Variants in WDR59 observed in about 807,000 individuals in gnomAD.
WDR59 encodes GATOR2 complex protein WDR59.
Under a neutral mutation model 131.2 loss-of-function variants are expected in WDR59, and 100 were observed. That is an observed-to-expected ratio of 0.76 (90% CI 0.65 to 0.90). WDR59 has a LOEUF of 0.90. WDR59 is among the 40% of genes least tolerant of loss of function. The pLI is 0.00. For missense variants in WDR59, 1,203 were observed against 1,262.2 expected, an observed-to-expected ratio of 0.95 and a Z score of 0.71; for synonymous variants, 601 against 466.2, an observed-to-expected ratio of 1.29 and a Z score of -3.72.
intron 3 of WDR59, among the ~76,000 whole-genome samples, chr16:74,952,179 G>A (rs2033040966): frequency 6.6e-6 from 1 of 151,776 alleles, no homozygotes; most frequent in Non-Finnish European, 1.5e-5. Context: ...AAGAGGCTGG[G>A]CTTGGTGGCT....
chr16:74,890,222 C>A (rs954957875), intron 20 of WDR59, among the ~76,000 whole-genome samples: 3 of 152,216 alleles, frequency 2.0e-5, no homozygotes, highest in Non-Finnish European at 4.4e-5. Flanking sequence ...ACAATCACAG[C>A]TCACTGCCAC....
At position 74,916,794 on chromosome 16, in the gene WDR59, G is replaced by C. The variant is rs567264787; in HGVS notation, c.967-535C>G. Among the ~76,000 whole-genome samples, 14 of 151,802 alleles carry C rather than the reference G, an allele frequency of 9.2e-5. No individual in the cohort carries two copies. The East Asian group carries it at 2.7e-3, about 30-fold the overall frequency. On this transcript the variant is annotated intron_variant, in intron 11 of 25. Transcript: ENST00000262144. ...GAATCACTTGAACCCAGGAGGCAGA[G>C]GTTGCAGTGAGCAAAGATCACGTGG...
At chr16:74,916,323 TAA>T in intron 11 of WDR59, 64 bp from the exon 12 acceptor site, 1 of 1,602,338 alleles carries the variant, frequency 6.2e-7, no homozygotes, top group Non-Finnish European at 8.5e-7. Flanking sequence ...CATGTCTGAT[TAA>T]AGAGTTCTGA....
At position 74,874,120 on chromosome 16, in the gene WDR59, A is replaced by T; in HGVS notation, c.*89T>A. 8.6e-7 allele frequency: 1 copy of T among 1,159,422 alleles called. No homozygotes were observed. The highest frequency in any genetic ancestry group is 1.2e-6 in the Non-Finnish European group (1 of 813,994). The allele number at this position is 1,159,422 out of a possible 1,614,324, so 71.8% of individuals were successfully genotyped here. A position where few individuals can be genotyped will look rare whatever the true frequency, so the allele number is the denominator to read the frequency against. ...CTCCGGTCTCACTGGGGACGAACCC[A>T]GGTTCTGGAGCCTCTCCCCTGACAG... On this transcript the variant is annotated 3_prime_UTR_variant, in exon 26 of 26. Transcript: ENST00000262144.
chr16:74,944,545 T>C (rs1007738964), intron 6 of WDR59, among the ~76,000 whole-genome samples: 22 of 151,712 alleles, frequency 1.5e-4, no homozygotes, highest in Middle Eastern at 3.4e-3. Flanking sequence ...GAGAACACTC[T>C]GGAATACTCA....
At chr16:74,957,798 G>A (rs1339170208) in intron 2 of WDR59, among the ~76,000 whole-genome samples, 4 of 152,000 alleles carry the variant, frequency 2.6e-5, no homozygotes, top group African/African-American at 9.7e-5. Flanking sequence ...GCTCAAAAAT[G>A]AAGAAAAAGA....
At chr16:74,981,520 T>A (rs1405494855) in intron 1 of WDR59, among the ~76,000 whole-genome samples, 1 of 149,380 alleles carries the variant, frequency 6.7e-6, no homozygotes, top group African/African-American at 2.5e-5. Flanking sequence ...ATTGCACCAC[T>A]GCATTCCAGC....
Position 74,903,885 on chromosome 16 carries a change from A to G in WDR59, c.1866+62T>C, listed in dbSNP as rs1224113671. The G allele has an allele frequency of 3.2e-6, 5 of 1,545,056 alleles. No individual in the cohort carries two copies. The African/African-American group carries it at 5.5e-5, about 17-fold the overall frequency. The stretch of plus-strand genomic sequence containing the variant: ...TAATCTAGCTGCTGCGCCAGGCAGG[A>G]GATGAGGAACAAGAATCCAGGAGAA... On this transcript the variant is annotated intron_variant, in intron 18 of 25. Transcript: ENST00000262144.
chr16:74,953,172 C>G (rs1008875461), intron 3 of WDR59, among the ~76,000 whole-genome samples: 2 of 152,176 alleles, frequency 1.3e-5, no homozygotes, highest in African/African-American at 4.8e-5. Flanking sequence ...CTAAAGCTTT[C>G]TCAAAAGGTT....
intron 25 of WDR59, among the ~76,000 whole-genome samples, chr16:74,885,352 T>A (rs1051899081): frequency 1.4e-5 from 2 of 138,544 alleles, no homozygotes; most frequent in African/African-American, 5.4e-5. Context: ...TCGGGAGGCT[T>A]AGGGAGGAGA....
chr16:74,886,140 T>C, intron 24 of WDR59, 130 bp downstream of exon 24: 3 of 1,216,114 alleles, frequency 2.5e-6, no homozygotes, highest in African/African-American at 1.6e-5. Flanking sequence ...ATCCCGCCAC[T>C]GCACTCCAAC....
chr16:74,879,314 G>A (rs1799118201), intron 25 of WDR59, among the ~76,000 whole-genome samples: 1 of 152,112 alleles, frequency 6.6e-6, no homozygotes, highest in South Asian at 2.1e-4. Flanking sequence ...CTGTGATCAT[G>A]CCTGTGCACT....
At chr16:74,981,660 A>ATTTTTTTTTTT (rs1181233727) in intron 1 of WDR59, among the ~76,000 whole-genome samples, 1 of 80,862 alleles carries the variant, frequency 1.2e-5, no homozygotes, top group African/African-American at 7.4e-5. Flanking sequence ...ATATATATAT[A>ATTTTTTTTTTT]TTTTTTTTTT....
intron 25 of WDR59, 149 bp from the exon 26 acceptor site, chr16:74,874,593 T>A (rs1317183127): frequency 2.9e-5 from 20 of 692,118 alleles, no homozygotes; most frequent in African/African-American, 9.0e-5. Flanking sequence ...CTGTTTTTTT[T>A]ATTTTTATTT....
chr16:74,945,650 A>G (rs1014441398), intron 6 of WDR59, among the ~76,000 whole-genome samples: 10 of 151,968 alleles, frequency 6.6e-5, no homozygotes, highest in African/African-American at 2.4e-4. Flanking sequence ...GAGCAGTGGA[A>G]CTGTTAAGCA....
Position 74,874,526 on chromosome 16 carries a change from AG to A in WDR59, c.2690-83del, listed in dbSNP as rs535849776. Reference sequence around the variant, plus strand: ...AGGAAACTGGGGCTTGCCAGGAAGAAGGAAGTCTTCCTCTCAAGACTCTAGC... The same window carrying A: ...AGGAAACTGGGGCTTGCCAGGAAGAAGAAGTCTTCCTCTCAAGACTCTAGC... On this transcript the variant is annotated intron_variant, in intron 25 of 25. Coordinates refer to ENST00000262144, the MANE Select transcript of WDR59 (RefSeq NM_030581.4). The A allele has an allele frequency of 3.5e-4, 418 of 1,209,752 alleles. No homozygotes were observed. In the African/African-American group the frequency reaches 5.6e-3, roughly 16 times the overall value. The allele number at this position is 1,209,752 out of a possible 1,614,324, so 74.9% of individuals were successfully genotyped here.
At chr16:74,959,977 A>G (rs2033481031) in intron 2 of WDR59, among the ~76,000 whole-genome samples, 1 of 152,098 alleles carries the variant, frequency 6.6e-6, no homozygotes, top group Non-Finnish European at 1.5e-5. Context: ...CAATAGTTGA[A>G]ATTTTTTGAA....
intron 25 of WDR59, among the ~76,000 whole-genome samples, chr16:74,882,456 G>C (rs1964533142): frequency 6.6e-6 from 1 of 152,116 alleles, no homozygotes; most frequent in Non-Finnish European, 1.5e-5. Flanking sequence ...GCAATTACCA[G>C]GTATGGTGTC....
Position 74,887,761 on chromosome 16 carries a change from G to A in WDR59, c.2347-6C>T. The A allele has an allele frequency of 1.2e-6, 2 of 1,613,404 alleles. No individual in the cohort carries two copies. ...CCAGAAGAGGTAAAGCTAGGCTACAGAAGGGAAGAGAAGAACCAACAGGAC... is the reference window on the plus strand; with the variant it reads ...CCAGAAGAGGTAAAGCTAGGCTACAAAAGGGAAGAGAAGAACCAACAGGAC... On this transcript the variant is annotated splice_region_variant and splice_polypyrimidine_tract_variant and intron_variant, in intron 22 of 25. Coordinates refer to ENST00000262144, the MANE Select transcript of WDR59 (RefSeq NM_030581.4).
Sources: allele counts gnomAD v4.1 joint callset (sites outside exome capture counted in the v4.1 genomes callset), GRCh38; gene constraint gnomAD v4.1.1; transcripts MANE v1.5; gene names NCBI Gene and HGNC (gene_info 2026-07-23, HGNC 2026-07-21).